Variants in AGAP5 observed in about 807,000 individuals in gnomAD.
The protein encoded by AGAP5 is arf-GAP with GTPase, ANK repeat and PH domain-containing protein 5.
A neutral mutation model predicts 27.7 loss-of-function variants in AGAP5; 8 were observed. The observed-to-expected ratio is 0.29, with a 90% CI of 0.17 to 0.52. AGAP5 has a LOEUF of 0.52. Among genes scored for constraint, AGAP5 ranks in the 20% least tolerant of loss-of-function variants. The pLI, the probability that AGAP5 is intolerant of heterozygous loss-of-function variation, is 0.97. For synonymous variants in AGAP5, 111 were observed against 338.0 expected, an observed-to-expected ratio of 0.33 and a Z score of 7.37; for missense variants, 285 against 880.8, an observed-to-expected ratio of 0.32 and a Z score of 8.56.
chr10:73,687,857 TA>T (rs2082078487), intron 4 of AGAP5, among the ~76,000 whole-genome samples: 1 of 152,098 alleles, frequency 6.6e-6, no homozygotes, highest in Non-Finnish European at 1.5e-5. Flanking sequence ...TGCTGAGACA[TA>T]AAAGTAGATA....
rs1450865473 is a variant in AGAP5 at position 73,698,061 on chromosome 10, A to C, written c.-306T>G. 1.5e-6 allele frequency: 2 copies of C among 1,357,694 alleles called. No homozygotes were observed. Among genetic ancestry groups the C allele is most frequent in the Non-Finnish European group, 9.5e-7 (1 of 1,049,948 alleles). The allele number at this position is 1,357,694 out of a possible 1,614,324, so 84.1% of individuals were successfully genotyped here. On this transcript the variant is annotated 5_prime_UTR_variant, in exon 1 of 8. Coordinates refer to ENST00000374094, the MANE Select transcript of AGAP5 (RefSeq NM_001144000.4). The stretch of plus-strand genomic sequence containing the variant: ...CGCTGAGAGACACAACAACTGCCTG[A>C]AGAGAGAACAGACGGAGCTCCTCCT...
At position 73,688,514 on chromosome 10, in the gene AGAP5, A is replaced by T. The variant is rs3878046; in HGVS notation, c.396+3529T>A. ...CCAGTCAAAATCAGGAGCAAAACTT[A>T]AAAAAAAAACCTTAAAACACTCTCA... On this transcript the variant is annotated intron_variant, in intron 4 of 7. Coordinates refer to ENST00000374094, the MANE Select transcript of AGAP5 (RefSeq NM_001144000.4). Among the ~76,000 whole-genome samples the T allele has an allele frequency of 2.0e-5, 3 of 149,652 alleles. No homozygotes were observed. The Admixed American group carries it at 2.0e-4, about 10-fold the overall frequency.
intron 4 of AGAP5, among the ~76,000 whole-genome samples, 170 bp downstream of exon 4, chr10:73,691,873 A>C (rs1254005427): frequency 6.6e-6 from 1 of 151,460 alleles, no homozygotes; most frequent in Admixed American, 6.6e-5. Flanking sequence ...GCTAAGCTAA[A>C]CACTTTTCTG....
At chr10:73,688,299 A>G (rs3998241) in intron 4 of AGAP5, among the ~76,000 whole-genome samples, 2 of 152,354 alleles carry the variant, frequency 1.3e-5, no homozygotes, top group African/African-American at 4.8e-5. Flanking sequence ...AATGTCTTCA[A>G]TAAAGATCCC....
At chr10:73,679,966 A>AG (rs2082011221) in intron 6 of AGAP5, 105 bp downstream of exon 6, 1 of 572,992 alleles carries the variant, frequency 1.7e-6, no homozygotes, top group African/African-American at 1.9e-5. Flanking sequence ...ATATTTTAGT[A>AG]GGCACAATAC....
chr10:73,675,506 G>A lies in AGAP5; in HGVS notation c.1154C>T (p.Thr385Ile). The part of the protein sequence containing the change: ...ICFSPSISST[T>I]SPKLNPPPSP... ...GGGGGGCGGGTTGAGCTTGGGGCTG[G>A]TGGTGCTGGAGATACTGGGGCTGAA... Residue 385 changes from threonine (T) to isoleucine (I), a missense_variant, in exon 8 of 8, where the codon ACC becomes ATC. By Grantham distance (89) the Thr-to-Ile change is moderately conservative. Coordinates refer to ENST00000374094, the MANE Select transcript of AGAP5 (RefSeq NM_001144000.4). The A allele has an allele frequency of 6.2e-7, 1 of 1,613,506 alleles. No individual in the cohort carries two copies. The highest frequency in any genetic ancestry group is 8.5e-7 in the Non-Finnish European group (1 of 1,179,572).
At chr10:73,690,294 AT>A (rs2082106132) in intron 4 of AGAP5, among the ~76,000 whole-genome samples, 1 of 152,150 alleles carries the variant, frequency 6.6e-6, no homozygotes, top group Non-Finnish European at 1.5e-5. Flanking sequence ...GATCCTGTTG[AT>A]CTGTGACCTT....
At chr10:73,694,948 T>C in intron 2 of AGAP5, 144 bp from the exon 3 acceptor site, 15 of 1,410,890 alleles carry the variant, frequency 1.1e-5, no homozygotes, top group Non-Finnish European at 1.4e-5. Context: ...AGACATAAGA[T>C]AGAGCCAGGC....
chr10:73,696,856 C>T (rs1292605239), intron 2 of AGAP5, among the ~76,000 whole-genome samples: 1 of 152,162 alleles, frequency 6.6e-6, no homozygotes, highest in Non-Finnish European at 1.5e-5. Flanking sequence ...ATAAGAAACC[C>T]CCAAATATTT....
intron 6 of AGAP5, among the ~76,000 whole-genome samples, chr10:73,679,410 C>A (rs1280071004): frequency 6.6e-6 from 1 of 152,092 alleles, no homozygotes; most frequent in African/African-American, 2.4e-5. Context: ...GATCCGCCCG[C>A]CTCAGCCTCC....
chr10:73,689,249 G>A (rs1313538070), intron 4 of AGAP5, among the ~76,000 whole-genome samples: 1 of 152,224 alleles, frequency 6.6e-6, no homozygotes, highest in Admixed American at 6.5e-5. Context: ...TCGGCCTCCC[G>A]AGGTGCCGGG....
At chr10:73,692,988 G>A (rs1430612653) in intron 3 of AGAP5, among the ~76,000 whole-genome samples, 1 of 151,982 alleles carries the variant, frequency 6.6e-6, no homozygotes, top group Non-Finnish European at 1.5e-5. Flanking sequence ...AATTGGACAT[G>A]GTGTCTGCAG....
At chr10:73,696,366 GA>G (rs2082162220) in intron 2 of AGAP5, among the ~76,000 whole-genome samples, 1 of 152,192 alleles carries the variant, frequency 6.6e-6, no homozygotes. Context: ...GTCAGGAGGG[GA>G]AGGGACAAAG....
intron 6 of AGAP5, among the ~76,000 whole-genome samples, chr10:73,678,184 A>G (rs573333226): frequency 6.6e-6 from 1 of 152,308 alleles, no homozygotes; most frequent in Admixed American, 6.5e-5. Context: ...GAGCTCCTTC[A>G]GGAGTTCGGG....
At chr10:73,681,567 T>C (rs1339861453) in intron 5 of AGAP5, 1 of 958,736 alleles carries the variant, frequency 1.0e-6, no homozygotes, top group African/African-American at 1.8e-5. Flanking sequence ...ACCAAATGAT[T>C]ATTTCTCAAA....
chr10:73,683,453 AATTT>A (rs757360299), intron 4 of AGAP5, among the ~76,000 whole-genome samples: 24,724 of 112,256 alleles, frequency 0.22, 578 homozygotes, highest in Middle Eastern at 0.31. Flanking sequence ...TTAATTAATT[AATTT>A]ATTTATTTAT....
At chr10:73,677,262 T>C (rs1172812046) in intron 6 of AGAP5, among the ~76,000 whole-genome samples, 1 of 151,698 alleles carries the variant, frequency 6.6e-6, no homozygotes, top group Non-Finnish European at 1.5e-5. Context: ...CTTTAAACTT[T>C]GTAAAACTAA....
intron 2 of AGAP5, 82 bp from the exon 3 acceptor site, chr10:73,694,886 T>C: frequency 6.3e-7 from 1 of 1,595,936 alleles, no homozygotes; most frequent in South Asian, 1.1e-5. Context: ...CTGCTGCATT[T>C]AGGCTATTTC....
Position 73,690,605 on chromosome 10 carries a change from T to TAA in AGAP5, c.396+1437_396+1438insTT, listed in dbSNP as rs1565008251. The stretch of plus-strand genomic sequence containing the variant: ...GCGAGAAACACCCAAGAATGATCAA[T>TAA]TAAAAAAAAAAAAAAAAAAAGAGCA... On this transcript the variant is annotated intron_variant, in intron 4 of 7. Coordinates refer to ENST00000374094, the MANE Select transcript of AGAP5 (RefSeq NM_001144000.4). Among the ~76,000 whole-genome samples the TAA allele has an allele frequency of 3.6e-4, 29 of 80,542 alleles. 4 individuals are homozygous for TAA. Among genetic ancestry groups the TAA allele is most frequent in the South Asian group, 5.9e-4 (2 of 3,372 alleles). 52.8% of individuals were successfully genotyped at this position (80,542 alleles called of 152,430 possible). A position where few individuals can be genotyped will look rare whatever the true frequency, so the allele number is the denominator to read the frequency against.
Sources: allele counts gnomAD v4.1 joint callset (sites outside exome capture counted in the v4.1 genomes callset), GRCh38; gene constraint gnomAD v4.1.1; transcripts MANE v1.5; gene names NCBI Gene and HGNC (gene_info 2026-07-23, HGNC 2026-07-21).